PTCHD4: variants seen among roughly 807,000 people sequenced by gnomAD.
The protein encoded by PTCHD4 is patched domain containing 4.
A neutral mutation model predicts 58.1 loss-of-function variants in PTCHD4; 33 were observed. The ratio of observed to expected loss-of-function variants is 0.57; its 90% CI spans 0.43 to 0.76. The LOEUF is 0.76. Among genes scored for constraint, PTCHD4 ranks in the 30% least tolerant of loss-of-function variants. The pLI is 0.00. For synonymous variants in PTCHD4, 478 were observed against 409.6 expected (o/e 1.17, Z -2.02); for missense variants, 1,058 against 1,027.1 (o/e 1.03, Z -0.41).
intron 1 of PTCHD4, among the ~76,000 whole-genome samples, chr6:48,072,466 C>T: frequency 6.6e-6 from 1 of 152,142 alleles, no homozygotes; most frequent in East Asian, 1.9e-4. Context: ...ATTACTACTT[C>T]CTGGTACTAC....
At chr6:47,980,532 A>G (rs918170327) in intron 4 of PTCHD4, among the ~76,000 whole-genome samples, 1 of 152,092 alleles carries the variant, frequency 6.6e-6, no homozygotes, top group Non-Finnish European at 1.5e-5. Flanking sequence ...ATGTTTTCAA[A>G]TCACGTTTTA....
chr6:47,892,099 G>A (rs2114127471), intron 4 of PTCHD4, among the ~76,000 whole-genome samples: 1 of 152,182 alleles, frequency 6.6e-6, no homozygotes, highest in Middle Eastern at 3.4e-3. Flanking sequence ...TTGAGAAGAT[G>A]ATAACATGAA....
At chr6:47,985,918 T>C (rs1768049171) in intron 4 of PTCHD4, among the ~76,000 whole-genome samples, 1 of 152,040 alleles carries the variant, frequency 6.6e-6, no homozygotes, top group Non-Finnish European at 1.5e-5. Context: ...GCAGATCTGC[T>C]TCATGAAAAA....
intron 4 of PTCHD4, among the ~76,000 whole-genome samples, chr6:47,923,666 T>C (rs781779624): frequency 4.6e-5 from 7 of 152,248 alleles, no homozygotes; most frequent in Non-Finnish European, 1.0e-4. Flanking sequence ...TGGTGATTTA[T>C]ATTTCATGTT....
At chr6:48,037,883 T>C (rs1424234981) in intron 3 of PTCHD4, among the ~76,000 whole-genome samples, 1 of 147,922 alleles carries the variant, frequency 6.8e-6, no homozygotes, top group Admixed American at 6.9e-5. Context: ...AACTTTAAAA[T>C]GAGCCACCAA....
chr6:48,110,710 A>G (rs1765853253), intron 1 of PTCHD4, among the ~76,000 whole-genome samples: 1 of 149,982 alleles, frequency 6.7e-6, no homozygotes, highest in Non-Finnish European at 1.5e-5. Context: ...AGGTAGATGG[A>G]TTTATTAGGT....
At chr6:47,978,571 A>G (rs1257897477) in intron 4 of PTCHD4, among the ~76,000 whole-genome samples, 1 of 152,200 alleles carries the variant, frequency 6.6e-6, no homozygotes, top group African/African-American at 2.4e-5. Flanking sequence ...TACGTTTCTA[A>G]TTATGATAAG....
At chr6:47,943,786 C>A (rs1219699576) in intron 4 of PTCHD4, among the ~76,000 whole-genome samples, 1 of 152,002 alleles carries the variant, frequency 6.6e-6, no homozygotes, top group Non-Finnish European at 1.5e-5. Context: ...TTTCTTTCCC[C>A]TGGTTTAGGT....
chr6:47,972,766 AATG>A (rs1767564885), intron 4 of PTCHD4, among the ~76,000 whole-genome samples: 1 of 151,718 alleles, frequency 6.6e-6, no homozygotes, highest in South Asian at 2.1e-4. Context: ...ACCTAATGTT[AATG>A]ATGATGCTTC....
rs71568433 is a variant in PTCHD4 at position 48,062,094 on chromosome 6, G to A, written c.417+6136C>T. Among the ~76,000 whole-genome samples, 665 of 152,250 alleles carry A rather than the reference G, an allele frequency of 4.4e-3. 6 individuals are homozygous for A. The highest frequency in any genetic ancestry group is 6.9e-3 in the Non-Finnish European group (467 of 68,008). On this transcript the variant is annotated intron_variant, in intron 3 of 4. Coordinates refer to ENST00000339488, the MANE Select transcript of PTCHD4 (RefSeq NM_001384253.1). ...AATGTGGTCAAATCACGGTGTAATC[G>A]CTAGTGGGTTAAAATGCAAAATATT...
At chr6:47,906,313 G>A (rs567543475) in intron 4 of PTCHD4, among the ~76,000 whole-genome samples, 2 of 152,338 alleles carry the variant, frequency 1.3e-5, no homozygotes, top group Admixed American at 1.3e-4. Flanking sequence ...AGACTATCAA[G>A]AATGTTTTCC....
chr6:48,003,713 C>T (rs543091279), intron 4 of PTCHD4, among the ~76,000 whole-genome samples: 40 of 152,264 alleles, frequency 2.6e-4, no homozygotes, highest in African/African-American at 9.6e-4. Context: ...TAATTTCACC[C>T]GAAGGTTAAT....
intron 3 of PTCHD4, among the ~76,000 whole-genome samples, chr6:48,058,632 GA>G (rs1764504204): frequency 2.0e-5 from 3 of 152,172 alleles, no homozygotes. Flanking sequence ...AACCATCAGA[GA>G]AATAGAAAAA....
intron 4 of PTCHD4, among the ~76,000 whole-genome samples, chr6:48,003,062 T>C (rs1170608151): frequency 6.6e-6 from 1 of 152,168 alleles, no homozygotes; most frequent in African/African-American, 2.4e-5. Flanking sequence ...CTGATCCTTC[T>C]TAGTGTCATT....
At chr6:47,883,589 G>A (rs1351350083) in intron 4 of PTCHD4, among the ~76,000 whole-genome samples, 1 of 152,102 alleles carries the variant, frequency 6.6e-6, no homozygotes, top group Admixed American at 6.6e-5. Flanking sequence ...AAATAACTGT[G>A]TATAGTATCA....
intron 4 of PTCHD4, among the ~76,000 whole-genome samples, chr6:47,923,249 A>G (rs1386994567): frequency 6.6e-6 from 1 of 152,066 alleles, no homozygotes; most frequent in Non-Finnish European, 1.5e-5. Context: ...AGACTTCCCT[A>G]TATGTTTTAG....
intron 4 of PTCHD4, among the ~76,000 whole-genome samples, chr6:47,980,401 A>G (rs757131837): frequency 7.2e-5 from 11 of 152,026 alleles, no homozygotes; most frequent in Non-Finnish European, 1.5e-4. Flanking sequence ...TGTGTTGTTA[A>G]TCTAAAGTTT....
At chr6:48,050,140 TA>T (rs1322401003) in intron 3 of PTCHD4, among the ~76,000 whole-genome samples, 2 of 151,974 alleles carry the variant, frequency 1.3e-5, no homozygotes, top group Non-Finnish European at 2.9e-5. Context: ...GAAATAGTTT[TA>T]TAATAGAGAA....
chr6:47,907,941 G>A (rs550987838), intron 4 of PTCHD4, among the ~76,000 whole-genome samples: 1 of 152,266 alleles, frequency 6.6e-6, no homozygotes, highest in East Asian at 1.9e-4. Flanking sequence ...GGATTTTGGA[G>A]AGGAGGAAGC....
Sources: allele counts gnomAD v4.1 joint callset (sites outside exome capture counted in the v4.1 genomes callset), GRCh38; gene constraint gnomAD v4.1.1; transcripts MANE v1.5; gene names NCBI Gene and HGNC (gene_info 2026-07-23, HGNC 2026-07-21).